The following COL26A1 variants were observed in gnomAD, a reference collection of about 807,000 sequenced individuals.
COL26A1 encodes the protein collagen alpha-1(XXVI) chain.
COL26A1 carries 41 observed loss-of-function variants against 59.3 expected under a neutral mutation model. The observed-to-expected ratio is 0.69, with a 90% confidence interval of 0.54 to 0.90. The LOEUF (loss-of-function observed/expected upper bound fraction) is 0.90, where lower values mean the gene tolerates loss of function less well. Among genes scored for constraint, COL26A1 ranks in the 40% least tolerant of loss-of-function variants. The probability of loss-of-function intolerance (pLI) is 0.00; values close to 1 mark genes in which losing one functional copy is unlikely to be tolerated. For synonymous variants in COL26A1, 266 were observed against 256.0 expected (o/e 1.04, Z -0.37); for missense variants, 612 against 602.3 (o/e 1.02, Z -0.17).
At position 101,544,026 on chromosome 7, in the gene COL26A1, G is replaced by T; in HGVS notation, c.633G>T (p.Gly211=). 1 of 1,594,236 alleles carries T rather than the reference G, an allele frequency of 6.3e-7. No individual in the cohort carries two copies. The highest frequency in any genetic ancestry group is 1.3e-5 in the African/African-American group (1 of 74,706). ...AGPPGQTGPP[G]PAGPPGSKGD... ...CCCCGGGGCAGACAGGACCACCAGG[G>T]CCTGCAGGCCCCCCCGGGTCTAAAG... Residue 211 remains glycine, a synonymous_variant, in exon 6 of 13, where the codon GGG becomes GGT. Transcript: ENST00000313669.
At chr7:101,377,600 T>C (rs1399802666) in intron 1 of COL26A1, among the ~76,000 whole-genome samples, 23 of 152,034 alleles carry the variant, frequency 1.5e-4, no homozygotes, top group Non-Finnish European at 1.3e-4. Context: ...ATCATTTTGG[T>C]ATTTTTTGTA....
At chr7:101,504,505 G>A (rs1563016603) in intron 3 of COL26A1, among the ~76,000 whole-genome samples, 2 of 152,058 alleles carry the variant, frequency 1.3e-5, no homozygotes, top group African/African-American at 4.8e-5. Context: ...GGGGACTTCC[G>A]CCTCGCTCCT....
intron 1 of COL26A1, among the ~76,000 whole-genome samples, chr7:101,373,205 A>G (rs571124998): frequency 6.6e-6 from 1 of 152,150 alleles, no homozygotes; most frequent in South Asian, 2.1e-4. Flanking sequence ...AGCAGGGGAG[A>G]AGGGAGTGCT....
intron 2 of COL26A1, among the ~76,000 whole-genome samples, chr7:101,421,605 G>T (rs990110001): frequency 2.0e-5 from 3 of 151,622 alleles, no homozygotes; most frequent in African/African-American, 7.3e-5. Flanking sequence ...AACCCAGGAG[G>T]TGGAGATTGC....
chr7:101,422,667 G>A (rs917447567), intron 2 of COL26A1, among the ~76,000 whole-genome samples: 1 of 152,052 alleles, frequency 6.6e-6, no homozygotes, highest in African/African-American at 2.4e-5. Context: ...TTTGGAGACA[G>A]GATCTTGCTC....
At chr7:101,531,023 T>A (rs1351815677) in intron 3 of COL26A1, among the ~76,000 whole-genome samples, 1 of 151,972 alleles carries the variant, frequency 6.6e-6, no homozygotes, top group Admixed American at 6.6e-5. Flanking sequence ...CAGGCTGGAG[T>A]GCAGTGGTGC....
At chr7:101,385,399 C>T (rs984996212) in intron 1 of COL26A1, among the ~76,000 whole-genome samples, 8 of 130,706 alleles carry the variant, frequency 6.1e-5, no homozygotes, top group African/African-American at 1.8e-4. Context: ...GTGACGGAGT[C>T]TCACTCTGTT....
At chr7:101,425,995 T>C (rs747428801) in intron 2 of COL26A1, among the ~76,000 whole-genome samples, 2 of 151,578 alleles carry the variant, frequency 1.3e-5, no homozygotes, top group Non-Finnish European at 2.9e-5. Flanking sequence ...CCTGGCTAAT[T>C]TTTGTATTTT....
chr7:101,459,909 C>T (rs149605873), intron 3 of COL26A1, among the ~76,000 whole-genome samples: 2,565 of 152,184 alleles, frequency 0.017, 43 homozygotes, highest in South Asian at 0.037. Context: ...AACCATTCTG[C>T]CCCGACTCTA....
Position 101,553,338 on chromosome 7 carries a change from G to A in COL26A1, c.1042G>A (p.Val348Met), listed in dbSNP as rs376558453. The A allele has an allele frequency of 3.5e-5, 57 of 1,613,788 alleles. No homozygotes were observed. The African/African-American group carries it at 4.9e-4, about 14-fold the overall frequency. Residue 348 changes from valine (V) to methionine (M), a missense_variant, in exon 11 of 13, where the codon GTG becomes ATG. Val to Met is a conservative substitution (Grantham distance 21, BLOSUM62 1). Coordinates refer to ENST00000313669, the MANE Select transcript of COL26A1 (RefSeq NM_001278563.3). ...ACTTGCTTCTTAGGGTGAACCTGGC[G>A]TGAAGGGGGAAGAAGGAGAGAAAGC... The part of the protein sequence containing the change: ...GTVGPSGEPG[V>M]KGEEGEKAAT...
intron 1 of COL26A1, among the ~76,000 whole-genome samples, chr7:101,387,633 C>G (rs1791609802): frequency 7.2e-6 from 1 of 138,428 alleles, no homozygotes; most frequent in Non-Finnish European, 1.5e-5. Flanking sequence ...CTCTCTCGCT[C>G]TCTCTCTCTC....
At chr7:101,457,122 G>A (rs1175611409) in intron 3 of COL26A1, among the ~76,000 whole-genome samples, 1 of 152,128 alleles carries the variant, frequency 6.6e-6, no homozygotes, top group Admixed American at 6.6e-5. Context: ...ACTGTTTGGG[G>A]ATGCCATCAT....
chr7:101,397,101 G>A (rs575093199), intron 1 of COL26A1, among the ~76,000 whole-genome samples: 6 of 152,290 alleles, frequency 3.9e-5, no homozygotes, highest in Admixed American at 3.9e-4. Flanking sequence ...TGCAATGGGT[G>A]AAGTTGACCT....
chr7:101,515,569 C>CTGCTGCACCCGGCCAGA, intron 3 of COL26A1, among the ~76,000 whole-genome samples: 1 of 151,260 alleles, frequency 6.6e-6, no homozygotes, highest in African/African-American at 2.4e-5. Context: ...CAGGCATGAG[C>CTGCTGCACCCGGCCAGA]CACCATGTCT....
intron 5 of COL26A1, among the ~76,000 whole-genome samples, chr7:101,541,313 G>C (rs1429352844): frequency 6.6e-6 from 1 of 152,064 alleles, no homozygotes; most frequent in African/African-American, 2.4e-5. Context: ...CTGCCCCCCT[G>C]CCTTCCTGCC....
intron 1 of COL26A1, among the ~76,000 whole-genome samples, chr7:101,403,512 C>G (rs954985192): frequency 1.3e-5 from 2 of 151,048 alleles, no homozygotes; most frequent in African/African-American, 2.4e-5. Flanking sequence ...GAGTGAGACT[C>G]TGCTTCAACA....
At chr7:101,401,534 G>A (rs370417092) in intron 1 of COL26A1, among the ~76,000 whole-genome samples, 14 of 136,434 alleles carry the variant, frequency 1.0e-4, no homozygotes, top group African/African-American at 2.3e-4. Flanking sequence ...CAAAGAGAAG[G>A]AGGAGGAAGA....
intron 2 of COL26A1, among the ~76,000 whole-genome samples, chr7:101,422,875 A>C (rs1792556817): frequency 6.6e-6 from 1 of 152,172 alleles, no homozygotes; most frequent in Non-Finnish European, 1.5e-5. Context: ...TCCTGGCTTC[A>C]AGGGATCCTC....
At chr7:101,479,371 G>A (rs1284756252) in intron 3 of COL26A1, among the ~76,000 whole-genome samples, 7 of 152,218 alleles carry the variant, frequency 4.6e-5, no homozygotes, top group South Asian at 4.1e-4. Context: ...TTTAGACATC[G>A]CTCTTGAATG....
Sources: allele counts gnomAD v4.1 joint callset (sites outside exome capture counted in the v4.1 genomes callset), GRCh38; gene constraint gnomAD v4.1.1; transcripts MANE v1.5; gene names NCBI Gene and HGNC (gene_info 2026-07-23, HGNC 2026-07-21).